Variants in RAB38 observed in about 807,000 individuals in gnomAD.
RAB38 encodes the protein ras-related protein Rab-38.
RAB38 carries 15 observed loss-of-function variants against 18.4 expected under a neutral mutation model. That is an observed-to-expected ratio of 0.82 (90% CI 0.55 to 1.26). The LOEUF (loss-of-function observed/expected upper bound fraction) is 1.26. Among genes scored for constraint, RAB38 ranks in the 50% most tolerant of loss-of-function variants. The pLI is 0.00. For missense variants in RAB38, 294 were observed against 267.4 expected (o/e 1.10, Z -0.69); for synonymous variants, 101 against 104.4 (o/e 0.97, Z 0.20).
chr11:88,037,894 CCTT>C, the RAB38 span, among the ~76,000 whole-genome samples: 4 of 151,888 alleles, frequency 2.6e-5, no homozygotes, highest in South Asian at 2.1e-4. Context: ...GAGTTGTTTG[CCTT>C]CTTATTAATG....
chr11:87,878,158 T>G, the RAB38 span, among the ~76,000 whole-genome samples: 2 of 146,214 alleles, frequency 1.4e-5, no homozygotes, highest in Non-Finnish European at 3.0e-5. Context: ...TTTACTGCTT[T>G]TTTAAAAAAC....
At chr11:87,875,601 G>C in the RAB38 span, among the ~76,000 whole-genome samples, 1 of 151,276 alleles carries the variant, frequency 6.6e-6, no homozygotes, top group Non-Finnish European at 1.5e-5. Context: ...TATTATAGTT[G>C]ATGAATATAG....
At chr11:88,141,858 T>A (rs1195955713) in intron 2 of RAB38, among the ~76,000 whole-genome samples, 2 of 152,200 alleles carry the variant, frequency 1.3e-5, no homozygotes, top group Non-Finnish European at 2.9e-5. Flanking sequence ...ATTTTACAAG[T>A]CTGTGTTCCC....
intron 2 of RAB38, among the ~76,000 whole-genome samples, chr11:88,133,985 C>T (rs1942799398): frequency 6.6e-6 from 1 of 152,182 alleles, no homozygotes; most frequent in African/African-American, 2.4e-5. Context: ...TCTTTTCTAT[C>T]TATACTCATT....
the RAB38 span, among the ~76,000 whole-genome samples, chr11:87,868,802 TC>T: frequency 1.3e-5 from 2 of 151,574 alleles, no homozygotes; most frequent in Non-Finnish European, 3.0e-5. Flanking sequence ...TGGTGTACCA[TC>T]CCAGCTGCTT....
the RAB38 span, among the ~76,000 whole-genome samples, chr11:88,049,517 C>T: frequency 6.6e-6 from 1 of 152,232 alleles, no homozygotes; most frequent in Admixed American, 6.5e-5. Flanking sequence ...GGCCCCACCC[C>T]TGTCTCCCTT....
intron 2 of RAB38, among the ~76,000 whole-genome samples, chr11:88,145,823 TTAA>T (rs1449960771): frequency 1.2e-4 from 18 of 152,236 alleles, no homozygotes; most frequent in African/African-American, 3.9e-4. Flanking sequence ...GAAGGTATTA[TTAA>T]TAATTATGCT....
chr11:88,072,964 A>T, the RAB38 span, among the ~76,000 whole-genome samples: 1 of 152,146 alleles, frequency 6.6e-6, no homozygotes, highest in Admixed American at 6.5e-5. Flanking sequence ...AAAAACTGAA[A>T]AAACTCAGAG....
At chr11:88,093,094 C>T in the RAB38 span, among the ~76,000 whole-genome samples, 1 of 151,960 alleles carries the variant, frequency 6.6e-6, no homozygotes, top group East Asian at 1.9e-4. Context: ...GTATATTTCT[C>T]AAGATTATTA....
At chr11:88,105,388 T>C in the RAB38 span, among the ~76,000 whole-genome samples, 532 of 152,262 alleles carry the variant, frequency 3.5e-3, 2 homozygotes, top group African/African-American at 0.012. Flanking sequence ...TATACAAATC[T>C]ATGGCTATAT....
At chr11:87,948,240 G>T in the RAB38 span, among the ~76,000 whole-genome samples, 1 of 152,168 alleles carries the variant, frequency 6.6e-6, no homozygotes, top group Admixed American at 6.5e-5. Context: ...TTTGCACATT[G>T]ATTTTGTATC....
chr11:88,034,847 AT>A, the RAB38 span, among the ~76,000 whole-genome samples: 1 of 152,202 alleles, frequency 6.6e-6, no homozygotes, highest in Non-Finnish European at 1.5e-5. Context: ...ATTTACATTT[AT>A]GTTAGTATAC....
chr11:87,888,013 G>C, the RAB38 span, among the ~76,000 whole-genome samples: 1 of 151,792 alleles, frequency 6.6e-6, no homozygotes, highest in Non-Finnish European at 1.5e-5. Context: ...CTCTTTTCCT[G>C]AAGATTTTTT....
At chr11:87,853,558 C>A in the RAB38 span, among the ~76,000 whole-genome samples, 1 of 152,092 alleles carries the variant, frequency 6.6e-6, no homozygotes, top group African/African-American at 2.4e-5. Context: ...TATGGGACAG[C>A]CCAAGCTGAC....
At chr11:87,832,687 C>G in the RAB38 span, among the ~76,000 whole-genome samples, 1 of 152,130 alleles carries the variant, frequency 6.6e-6, no homozygotes, top group East Asian at 1.9e-4. Context: ...TCTTTGTTCC[C>G]CAGCTCTCTG....
chr11:88,067,983 T>TTATATA, the RAB38 span, among the ~76,000 whole-genome samples: 1 of 146,766 alleles, frequency 6.8e-6, no homozygotes, highest in African/African-American at 2.5e-5. Context: ...ATATATATAC[T>TTATATA]TATATATATA....
chr11:88,060,304 C>T, the RAB38 span: 1 of 152,160 alleles, frequency 6.6e-6, no homozygotes, highest in Non-Finnish European at 1.5e-5. Flanking sequence ...GCATCTATCT[C>T]TCTGTGTCTA....
the RAB38 span, among the ~76,000 whole-genome samples, chr11:88,068,536 CTTTT>C: frequency 6.6e-6 from 1 of 152,120 alleles, no homozygotes; most frequent in Non-Finnish European, 1.5e-5. Context: ...CTATACATTT[CTTTT>C]TATTCAACTA....
At chr11:88,125,598 G>C (rs1037197597) in intron 2 of RAB38, among the ~76,000 whole-genome samples, 12 of 152,318 alleles carry the variant, frequency 7.9e-5, no homozygotes, top group Middle Eastern at 3.4e-3. Context: ...TGAGTTCTGT[G>C]TAGATTCTGG....
Sources: allele counts gnomAD v4.1 joint callset (sites outside exome capture counted in the v4.1 genomes callset), GRCh38; gene constraint gnomAD v4.1.1; transcripts MANE v1.5; gene names NCBI Gene and HGNC (gene_info 2026-07-23, HGNC 2026-07-21).